The following RBFOX1 variants were observed in gnomAD, a reference collection of about 807,000 sequenced individuals.
RBFOX1 encodes RNA binding protein fox-1 homolog 1.
A neutral mutation model predicts 57.7 loss-of-function variants in RBFOX1; 8 were observed. That is an observed-to-expected ratio of 0.14 (90% CI 0.08 to 0.25). RBFOX1 has a LOEUF of 0.25. Among genes scored for constraint, RBFOX1 ranks in the 10% least tolerant of loss-of-function variants. RBFOX1 has a pLI of 1.00. For synonymous variants in RBFOX1, 326 were observed against 222.4 expected, an observed-to-expected ratio of 1.47 and a Z score of -4.15; for missense variants, 611 against 548.5, an observed-to-expected ratio of 1.11 and a Z score of -1.14.
At chr16:5,412,995 G>A (rs2067063797) in intron 1 of RBFOX1, among the ~76,000 whole-genome samples, 1 of 152,206 alleles carries the variant, frequency 6.6e-6, no homozygotes, top group Admixed American at 6.5e-5. Context: ...AGCTGGCCGT[G>A]CCTTCCTGGT....
intron 4 of RBFOX1, among the ~76,000 whole-genome samples, chr16:7,354,965 T>C (rs2097189383): frequency 6.6e-6 from 1 of 152,214 alleles, no homozygotes; most frequent in Non-Finnish European, 1.5e-5. Context: ...ATTCGAATGC[T>C]GAAACATGAC....
intron 2 of RBFOX1, among the ~76,000 whole-genome samples, chr16:5,535,487 C>G (rs2044657570): frequency 6.6e-6 from 1 of 152,146 alleles, no homozygotes; most frequent in Non-Finnish European, 1.5e-5. Context: ...AAAAGCAGTC[C>G]CCAGTCCCAA....
chr16:7,300,319 G>C (rs865999731), intron 4 of RBFOX1, among the ~76,000 whole-genome samples: 2 of 152,112 alleles, frequency 1.3e-5, no homozygotes, highest in South Asian at 4.1e-4. Context: ...CCTGGAATGA[G>C]ATCAGCACTA....
intron 3 of RBFOX1, among the ~76,000 whole-genome samples, chr16:6,758,570 A>G (rs1458695219): frequency 1.3e-5 from 2 of 152,184 alleles, no homozygotes; most frequent in African/African-American, 4.8e-5. Flanking sequence ...GCTCTCTAAA[A>G]CATCCCAAAC....
At chr16:7,427,602 C>A (rs1444121934) in intron 4 of RBFOX1, among the ~76,000 whole-genome samples, 1 of 151,368 alleles carries the variant, frequency 6.6e-6, no homozygotes, top group African/African-American at 2.4e-5. Context: ...CTCTTTCTTT[C>A]TTTTCTTTTC....
At chr16:7,630,414 T>C (rs1312163362) in intron 10 of RBFOX1, among the ~76,000 whole-genome samples, 189 bp from the exon 11 acceptor site, 1 of 146,610 alleles carries the variant, frequency 6.8e-6, no homozygotes, top group Admixed American at 6.7e-5. Context: ...GGCCGGGTTG[T>C]GGTGGGTGGG....
At chr16:7,531,186 G>C (rs1203374418) in intron 5 of RBFOX1, among the ~76,000 whole-genome samples, 1 of 152,114 alleles carries the variant, frequency 6.6e-6, no homozygotes, top group African/African-American at 2.4e-5. Context: ...AAACAATATG[G>C]GCTGCCCTGA....
At chr16:7,593,039 T>A (rs1021632196) in intron 7 of RBFOX1, among the ~76,000 whole-genome samples, 2 of 149,932 alleles carry the variant, frequency 1.3e-5, no homozygotes, top group African/African-American at 4.9e-5. Flanking sequence ...GGTCTCAAAC[T>A]CCTGGGCTCA....
At chr16:7,237,249 C>T (rs1185748702) in intron 4 of RBFOX1, among the ~76,000 whole-genome samples, 1 of 152,228 alleles carries the variant, frequency 6.6e-6, no homozygotes, top group Non-Finnish European at 1.5e-5. Context: ...CATGCTGGAT[C>T]AGCTGGTCCC....
At chr16:6,889,453 C>G (rs1407217650) in intron 3 of RBFOX1, among the ~76,000 whole-genome samples, 1 of 152,200 alleles carries the variant, frequency 6.6e-6, no homozygotes, top group African/African-American at 2.4e-5. Context: ...GAACAGATAA[C>G]TTTGAGAAAT....
At chr16:6,131,655 C>G (rs1305027129) in intron 1 of RBFOX1, among the ~76,000 whole-genome samples, 1 of 152,188 alleles carries the variant, frequency 6.6e-6, no homozygotes, top group African/African-American at 2.4e-5. Context: ...AGTAGCTACT[C>G]TCTTTGGTCA....
chr16:7,212,992 G>C (rs1057178346), intron 4 of RBFOX1, among the ~76,000 whole-genome samples: 3 of 152,146 alleles, frequency 2.0e-5, no homozygotes, highest in Non-Finnish European at 2.9e-5. Flanking sequence ...GATCCTTCCA[G>C]TCATCTTGTA....
chr16:7,625,701 G>A (rs567234687), intron 10 of RBFOX1, among the ~76,000 whole-genome samples: 4 of 152,242 alleles, frequency 2.6e-5, no homozygotes, highest in Non-Finnish European at 4.4e-5. Context: ...AAAAGTTCTA[G>A]TTATTCACCA....
In RBFOX1 at chr16:6,657,113, CT is replaced by C. The variant is rs1341090920; in HGVS notation, c.-16+2464del. ...CTCCCCTTTACTCTCCTCTCCTCCCCTCTCCTCTCCTCTCCTCTCCTCTTCT... is the reference window on the plus strand; with the variant it reads ...CTCCCCTTTACTCTCCTCTCCTCCCCCTCCTCTCCTCTCCTCTCCTCTTCT... On this transcript the variant is annotated intron_variant, in intron 3 of 15. Transcript: ENST00000550418. Among the ~76,000 whole-genome samples, 407 of 126,450 alleles carry C rather than the reference CT, an allele frequency of 3.2e-3. 27 individuals are homozygous for C. Among genetic ancestry groups the C allele is most frequent in the African/African-American group, 0.014 (377 of 27,752 alleles). 83.0% of individuals were successfully genotyped at this position (126,450 alleles called of 152,430 possible).
At chr16:7,612,805 G>A (rs1215539005) in intron 10 of RBFOX1, among the ~76,000 whole-genome samples, 1 of 152,108 alleles carries the variant, frequency 6.6e-6, no homozygotes, top group Non-Finnish European at 1.5e-5. Context: ...TCAATTGCCA[G>A]TAAAATACAC....
intron 3 of RBFOX1, among the ~76,000 whole-genome samples, chr16:6,857,420 T>C (rs892102067): frequency 1.3e-5 from 2 of 152,106 alleles, no homozygotes; most frequent in Non-Finnish European, 2.9e-5. Context: ...TCAAATCCCA[T>C]GTACGCCAGC....
chr16:5,928,497 C>T (rs764621145), intron 4 of RBFOX1, among the ~76,000 whole-genome samples: 1 of 151,818 alleles, frequency 6.6e-6, no homozygotes, highest in Non-Finnish European at 1.5e-5. Context: ...ATCAAAACAT[C>T]ATGTTGTACC....
chr16:6,311,918 T>G (rs2080366306), intron 1 of RBFOX1, among the ~76,000 whole-genome samples: 1 of 152,166 alleles, frequency 6.6e-6, no homozygotes, highest in African/African-American at 2.4e-5. Context: ...CAAGCAACCC[T>G]GGGCAGCTTG....
chr16:6,244,650 C>T (rs559428597), intron 1 of RBFOX1, among the ~76,000 whole-genome samples: 2 of 152,310 alleles, frequency 1.3e-5, no homozygotes, highest in Admixed American at 1.3e-4. Context: ...GCTGGGATTA[C>T]AGGCATGTGC....
Sources: allele counts gnomAD v4.1 joint callset (sites outside exome capture counted in the v4.1 genomes callset), GRCh38; gene constraint gnomAD v4.1.1; transcripts MANE v1.5; gene names NCBI Gene and HGNC (gene_info 2026-07-23, HGNC 2026-07-21).